The following OSBPL10 variants were observed in gnomAD, a reference collection of about 807,000 sequenced individuals.
The protein encoded by OSBPL10 is oxysterol binding protein like 10.
A neutral mutation model predicts 81.7 loss-of-function variants in OSBPL10; 49 were observed. The ratio of observed to expected loss-of-function variants is 0.60; its 90% CI spans 0.48 to 0.76. The LOEUF (loss-of-function observed/expected upper bound fraction) is 0.76. OSBPL10 is among the 30% of genes least tolerant of loss of function. The probability of loss-of-function intolerance (pLI) is 0.00; values close to 1 mark genes in which losing one functional copy is unlikely to be tolerated. For missense variants in OSBPL10, 923 were observed against 987.8 expected, an observed-to-expected ratio of 0.93 and a Z score of 0.88; for synonymous variants, 419 against 383.6, an observed-to-expected ratio of 1.09 and a Z score of -1.08.
At chr3:31,879,910 C>T in intron 1 of OSBPL10, 80 bp from the exon 2 acceptor site, 1 of 1,388,718 alleles carries the variant, frequency 7.2e-7, no homozygotes, top group Non-Finnish European at 9.7e-7. Context: ...CAAAGTGATC[C>T]AGAAGTCAAC....
At chr3:31,816,961 A>G (rs1699851061) in intron 4 of OSBPL10, among the ~76,000 whole-genome samples, 1 of 151,626 alleles carries the variant, frequency 6.6e-6, no homozygotes, top group Admixed American at 6.6e-5. Flanking sequence ...AGGGTACTCC[A>G]CTCTGCAGCT....
chr3:31,722,697 C>G (rs1316916192), intron 6 of OSBPL10, among the ~76,000 whole-genome samples: 6 of 152,044 alleles, frequency 3.9e-5, no homozygotes, highest in African/African-American at 9.7e-5. Flanking sequence ...CAAGCTGGCT[C>G]TGCATTTTAG....
chr3:31,729,891 C>T (rs1229818625), intron 6 of OSBPL10, among the ~76,000 whole-genome samples: 1 of 152,188 alleles, frequency 6.6e-6, no homozygotes, highest in African/African-American at 2.4e-5. Context: ...AACACTCCAA[C>T]CTCCATGCCA....
In OSBPL10 at chr3:31,733,290, A is replaced by T. The variant is rs1299407360; in HGVS notation, c.1062T>A (p.Ala354=). 3.1e-6 allele frequency: 5 copies of T among 1,613,186 alleles called. No homozygotes were observed. In the Admixed American group the frequency reaches 8.4e-5, roughly 27 times the overall value. Residue 354 remains alanine, a synonymous_variant, in exon 6 of 12, where the codon GCT becomes GCA. Coordinates refer to ENST00000396556, the MANE Select transcript of OSBPL10 (RefSeq NM_017784.5). Reference sequence around the variant, plus strand: ...CTGGCTGTGAGGTTTGTTCGTCTTCAGCAGAGTTTGGTAAAATTGCCCAGG... The same window carrying T: ...CTGGCTGTGAGGTTTGTTCGTCTTCTGCAGAGTTTGGTAAAATTGCCCAGG... The part of the protein sequence containing the change: ...NITWAILPNS[A]EDEQTSQPEP...
intron 7 of OSBPL10, among the ~76,000 whole-genome samples, chr3:31,697,430 A>G (rs1419460271): frequency 6.6e-6 from 1 of 152,226 alleles, no homozygotes; most frequent in African/African-American, 2.4e-5. Flanking sequence ...AATTGAAACA[A>G]ATGGCAACTA....
chr3:31,952,566 G>A lies in OSBPL10; in HGVS notation c.281+28333C>T, dbSNP rs565084088. On this transcript the variant is annotated intron_variant, in intron 1 of 11. Transcript: ENST00000396556. ...TGTACCTTCAGGCACAGCATGGGGA[G>A]CAATGAGAAGGAATCAACAACTGAA... Among the ~76,000 whole-genome samples, 10 of 152,262 alleles carry A rather than the reference G, an allele frequency of 6.6e-5. No homozygotes were observed. In the South Asian group the frequency reaches 2.1e-3, roughly 32 times the overall value.
At chr3:31,674,880 C>T (rs1363957623) in intron 8 of OSBPL10, among the ~76,000 whole-genome samples, 4 of 152,186 alleles carry the variant, frequency 2.6e-5, no homozygotes, top group Admixed American at 2.0e-4. Context: ...ACTGTGCTAC[C>T]GGATGACTCT....
chr3:31,994,677 CA>C (rs1699071034), intron 2 of OSBPL10, among the ~76,000 whole-genome samples: 1 of 152,152 alleles, frequency 6.6e-6, no homozygotes, highest in South Asian at 2.1e-4. Context: ...GACACCAAAT[CA>C]GAAAATTCTT....
At chr3:31,789,123 C>T (rs912682629) in intron 4 of OSBPL10, among the ~76,000 whole-genome samples, 3 of 152,138 alleles carry the variant, frequency 2.0e-5, no homozygotes, top group Admixed American at 1.3e-4. Context: ...CGATTACAGG[C>T]GCATGCCACC....
At chr3:31,791,375 A>T (rs1575546529) in intron 4 of OSBPL10, among the ~76,000 whole-genome samples, 1 of 152,190 alleles carries the variant, frequency 6.6e-6, no homozygotes, top group East Asian at 1.9e-4. Context: ...ACGTAACTGA[A>T]AGGAGTTGAA....
intron 3 of OSBPL10, among the ~76,000 whole-genome samples, chr3:31,831,861 T>C (rs909574520): frequency 6.6e-6 from 1 of 152,104 alleles, no homozygotes; most frequent in Non-Finnish European, 1.5e-5. Flanking sequence ...GCTCCAGCAA[T>C]CCCGTGTCTG....
At chr3:32,028,382 A>C (rs373237906) in intron 2 of OSBPL10, among the ~76,000 whole-genome samples, 4 of 152,322 alleles carry the variant, frequency 2.6e-5, no homozygotes, top group African/African-American at 9.6e-5. Flanking sequence ...TCTCTATCTC[A>C]GTAAACAGTA....
chr3:31,689,569 A>G (rs1700889356), intron 7 of OSBPL10, among the ~76,000 whole-genome samples: 1 of 152,188 alleles, frequency 6.6e-6, no homozygotes, highest in Admixed American at 6.5e-5. Flanking sequence ...TTTCATCTTG[A>G]GTTGTAACTC....
At chr3:31,946,245 G>C (rs1391714139) in intron 1 of OSBPL10, among the ~76,000 whole-genome samples, 1 of 151,802 alleles carries the variant, frequency 6.6e-6, no homozygotes, top group Non-Finnish European at 1.5e-5. Context: ...CTCCCCAAGT[G>C]CTAAAATTAT....
chr3:31,957,798 G>A (rs780972129), intron 1 of OSBPL10, among the ~76,000 whole-genome samples: 10 of 151,972 alleles, frequency 6.6e-5, no homozygotes, highest in East Asian at 1.9e-4. Flanking sequence ...ATGCCACCAC[G>A]CCTGACTAAT....
At chr3:32,044,413 A>C in intron 2 of OSBPL10, among the ~76,000 whole-genome samples, 1 of 149,266 alleles carries the variant, frequency 6.7e-6, no homozygotes, top group South Asian at 2.1e-4. Context: ...ATAATTTAAA[A>C]AAATTTTAAT....
intron 2 of OSBPL10, among the ~76,000 whole-genome samples, chr3:32,009,074 G>A (rs1365990139): frequency 6.6e-6 from 1 of 152,122 alleles, no homozygotes; most frequent in Non-Finnish European, 1.5e-5. Context: ...ATCATGAACA[G>A]GTTTGTGTTT....
chr3:31,769,290 A>G (rs1698289667), intron 4 of OSBPL10, among the ~76,000 whole-genome samples: 1 of 151,516 alleles, frequency 6.6e-6, no homozygotes, highest in Non-Finnish European at 1.5e-5. Context: ...TAAAAAACAC[A>G]AAAAATTAGC....
At chr3:31,940,665 T>C (rs1275051020) in intron 1 of OSBPL10, among the ~76,000 whole-genome samples, 1 of 152,108 alleles carries the variant, frequency 6.6e-6, no homozygotes, top group Non-Finnish European at 1.5e-5. Flanking sequence ...TCTTATCTTT[T>C]CCCAAATAGA....
Sources: gnomAD v4.1 joint callset for allele counts (sites outside exome capture counted in the v4.1 genomes callset) on GRCh38, gnomAD v4.1.1 for gene constraint, MANE v1.5 for transcripts, NCBI Gene and HGNC (gene_info 2026-07-23, HGNC 2026-07-21) for gene names.